FBXL13: variants seen among roughly 807,000 people sequenced by gnomAD.
FBXL13 encodes F-box and leucine-rich repeat protein 13.
A neutral mutation model predicts 83.6 loss-of-function variants in FBXL13; 67 were observed. That is an observed-to-expected ratio of 0.80 (90% CI 0.66 to 0.98). FBXL13 has a LOEUF of 0.98. FBXL13 is among the 50% of genes least tolerant of loss of function. FBXL13 has a pLI of 0.00. For missense variants in FBXL13, 822 were observed against 866.5 expected (o/e 0.95, Z 0.64); for synonymous variants, 272 against 299.5 (o/e 0.91, Z 0.95).
At chr7:102,870,429 G>C (rs1808374536) in intron 16 of FBXL13, among the ~76,000 whole-genome samples, 1 of 152,100 alleles carries the variant, frequency 6.6e-6, no homozygotes, top group Non-Finnish European at 1.5e-5. Context: ...TGGACAACAT[G>C]ATCAATATTT....
chr7:102,913,237 A>T, intron 10 of FBXL13, 22 bp from the exon 12 acceptor site: 1 of 1,613,974 alleles, frequency 6.2e-7, no homozygotes, highest in Non-Finnish European at 8.5e-7. Context: ...AAAGAGAGGA[A>T]GGAAAGTATT....
chr7:103,061,765 C>A (rs963721222), intron 1 of FBXL13, among the ~76,000 whole-genome samples: 1 of 151,832 alleles, frequency 6.6e-6, no homozygotes, highest in Non-Finnish European at 1.5e-5. Flanking sequence ...GGTGAAACCC[C>A]GTCTCTACTA....
chr7:102,886,400 T>C (rs893287620), intron 11 of FBXL13, among the ~76,000 whole-genome samples: 1 of 152,150 alleles, frequency 6.6e-6, no homozygotes, highest in African/African-American at 2.4e-5. Flanking sequence ...CTTCCAAGGT[T>C]CTGTCATCAG....
intron 19 of FBXL13, 55 bp downstream of exon 20, chr7:102,821,985 A>G (rs2049025585): frequency 6.4e-7 from 1 of 1,556,938 alleles, no homozygotes; most frequent in African/African-American, 1.4e-5. Flanking sequence ...GCCATATACT[A>G]TGTTTTCTCA....
At chr7:102,885,451 T>G (rs1810668769) in intron 11 of FBXL13, among the ~76,000 whole-genome samples, 2 of 152,324 alleles carry the variant, frequency 1.3e-5, no homozygotes, top group South Asian at 4.1e-4. Flanking sequence ...TTTGCCTTTT[T>G]TTTTTTAGTT....
At chr7:102,827,780 G>C (rs1409495007) in intron 18 of FBXL13, among the ~76,000 whole-genome samples, 1 of 151,960 alleles carries the variant, frequency 6.6e-6, no homozygotes, top group South Asian at 2.1e-4. Context: ...TGCAGTGTTT[G>C]GTTTTTTGTC....
chr7:102,822,655 G>C (rs1798961362), intron 18 of FBXL13, among the ~76,000 whole-genome samples: 1 of 152,198 alleles, frequency 6.6e-6, no homozygotes, highest in African/African-American at 2.4e-5. Context: ...AACAAAATCA[G>C]ACACTTGCAT....
intron 11 of FBXL13, among the ~76,000 whole-genome samples, chr7:102,910,508 G>A (rs1252255742): frequency 6.6e-6 from 1 of 151,600 alleles, no homozygotes; most frequent in Non-Finnish European, 1.5e-5. Flanking sequence ...TCCAATCTCT[G>A]TTTTCCAGTT....
chr7:102,924,571 C>T (rs1176647866), intron 10 of FBXL13, among the ~76,000 whole-genome samples: 1 of 150,398 alleles, frequency 6.6e-6, no homozygotes, highest in Non-Finnish European at 1.5e-5. Context: ...TAGGCTGGTA[C>T]ATTTGCAGAA....
chr7:103,069,202 G>A (rs1401500836), intron 1 of FBXL13, among the ~76,000 whole-genome samples: 5 of 147,470 alleles, frequency 3.4e-5, no homozygotes, highest in Admixed American at 6.7e-5. Context: ...CTGCCCCACA[G>A]TCTGGGAAGA....
intron 1 of FBXL13, among the ~76,000 whole-genome samples, chr7:103,064,367 C>A (rs550268817): frequency 6.6e-6 from 1 of 152,110 alleles, no homozygotes; most frequent in East Asian, 1.9e-4. Flanking sequence ...GAAGAGACAG[C>A]GTATAGAATA....
chr7:103,071,659 T>C (rs999609322), intron 1 of FBXL13, among the ~76,000 whole-genome samples: 1 of 151,564 alleles, frequency 6.6e-6, no homozygotes. Context: ...GCTCTCACAG[T>C]GCTGGGATTA....
chr7:102,863,173 A>G (rs11978670), intron 16 of FBXL13, among the ~76,000 whole-genome samples: 28,952 of 152,194 alleles, frequency 0.19, 3,021 homozygotes, highest in East Asian at 0.43. Context: ...ATGAATGCTC[A>G]TGATGGACTT....
chr7:103,063,870 A>G (rs1798150851), intron 1 of FBXL13, among the ~76,000 whole-genome samples: 1 of 152,182 alleles, frequency 6.6e-6, no homozygotes. Flanking sequence ...AGGTCTTACA[A>G]ATAAGAAATA....
chr7:102,973,293 C>G, intron 6 of FBXL13: 1 of 505,894 alleles, frequency 2.0e-6, no homozygotes, highest in Non-Finnish European at 3.6e-6. Flanking sequence ...CACAAGGCCA[C>G]TTGTACCAGC....
At chr7:102,936,691 T>C (rs753677009) in intron 8 of FBXL13, among the ~76,000 whole-genome samples, 10 of 152,356 alleles carry the variant, frequency 6.6e-5, no homozygotes, top group Non-Finnish European at 1.5e-4. Context: ...AACCTCAAGC[T>C]ACAGTGAATT....
At chr7:102,848,722 G>A (rs1449937451) in intron 17 of FBXL13, among the ~76,000 whole-genome samples, 4 of 152,014 alleles carry the variant, frequency 2.6e-5, no homozygotes, top group Admixed American at 6.5e-5. Context: ...GGCCAGGCAC[G>A]GCGCCTCACA....
chr7:102,988,840 G>A (rs540116119), intron 6 of FBXL13: 3 of 152,212 alleles, frequency 2.0e-5, no homozygotes, highest in Non-Finnish European at 4.4e-5. Context: ...AAATCATGTG[G>A]TTACATATTC....
chr7:103,070,036 G>A (rs1359539924), intron 1 of FBXL13, among the ~76,000 whole-genome samples: 2 of 142,580 alleles, frequency 1.4e-5, no homozygotes, highest in Admixed American at 7.3e-5. Flanking sequence ...CCGAGATCCC[G>A]CCACTGCACT....
Sources: allele counts gnomAD v4.1 joint callset (sites outside exome capture counted in the v4.1 genomes callset), GRCh38; gene constraint gnomAD v4.1.1; transcripts MANE v1.5; gene names NCBI Gene and HGNC (gene_info 2026-07-23, HGNC 2026-07-21).